The following E2F6 variants were observed in gnomAD, a reference collection of about 807,000 sequenced individuals.
E2F6 encodes transcription factor E2F6.
Under a neutral mutation model 31.5 loss-of-function variants are expected in E2F6, and 19 were observed. The observed-to-expected ratio is 0.60, with a 90% CI of 0.42 to 0.89. The LOEUF (loss-of-function observed/expected upper bound fraction) is 0.89, where lower values mean the gene tolerates loss of function less well. Among genes scored for constraint, E2F6 ranks in the 40% least tolerant of loss-of-function variants. The pLI is 0.00. For missense variants in E2F6, 269 were observed against 341.6 expected, an observed-to-expected ratio of 0.79 and a Z score of 1.67; for synonymous variants, 121 against 127.7, an observed-to-expected ratio of 0.95 and a Z score of 0.36.
At chr2:11,463,952 G>GA (rs1671952135) in intron 1 of E2F6, among the ~76,000 whole-genome samples, 1 of 135,378 alleles carries the variant, frequency 7.4e-6, no homozygotes, top group Non-Finnish European at 1.6e-5. Context: ...CTGCACCGGG[G>GA]GGGGGGACAA....
intron 1 of E2F6, among the ~76,000 whole-genome samples, chr2:11,461,555 A>G (rs1336716143): frequency 1.3e-5 from 2 of 152,104 alleles, no homozygotes; most frequent in Non-Finnish European, 2.9e-5. Flanking sequence ...GTTTCACCAC[A>G]TTAGCCAGGC....
intron 6 of E2F6, 137 bp downstream of exon 6, chr2:11,447,490 A>G: frequency 1.1e-6 from 1 of 919,434 alleles, no homozygotes; most frequent in South Asian, 1.7e-5. Flanking sequence ...ATTCTAAACT[A>G]CAGTAAGAGT....
At chr2:11,461,004 G>C (rs1671743893) in intron 1 of E2F6, among the ~76,000 whole-genome samples, 1 of 152,074 alleles carries the variant, frequency 6.6e-6, no homozygotes. Context: ...GCTGGGACTT[G>C]GGTCTAGTAA....
chr2:11,450,936 C>A (rs1448698227), intron 4 of E2F6, among the ~76,000 whole-genome samples: 1 of 152,158 alleles, frequency 6.6e-6, no homozygotes, highest in Non-Finnish European at 1.5e-5. Flanking sequence ...AGGTTTAAGA[C>A]ACCCAGGAGG....
intron 1 of E2F6, among the ~76,000 whole-genome samples, chr2:11,459,891 A>G (rs1339773783): frequency 3.3e-5 from 5 of 152,230 alleles, no homozygotes; most frequent in Non-Finnish European, 1.5e-5. Flanking sequence ...CTCAAAAAAA[A>G]AAAAGATGAT....
chr2:11,462,829 A>C (rs948683371), intron 1 of E2F6, among the ~76,000 whole-genome samples: 4 of 152,218 alleles, frequency 2.6e-5, no homozygotes, highest in Non-Finnish European at 4.4e-5. Context: ...TTTAAAACTA[A>C]TGAATTATTT....
At chr2:11,464,768 G>C (rs1220616296) in intron 1 of E2F6, among the ~76,000 whole-genome samples, 5 of 152,080 alleles carry the variant, frequency 3.3e-5, no homozygotes. Context: ...CGTGAAACAA[G>C]AATAATAATC....
intron 1 of E2F6, among the ~76,000 whole-genome samples, chr2:11,463,032 T>G (rs1671882007): frequency 6.6e-6 from 1 of 152,208 alleles, no homozygotes; most frequent in Non-Finnish European, 1.5e-5. Flanking sequence ...CAGAACTGTA[T>G]GTCTAAGATT....
chr2:11,463,351 CTTAT>C (rs1671905434), intron 1 of E2F6, among the ~76,000 whole-genome samples: 1 of 152,194 alleles, frequency 6.6e-6, no homozygotes, highest in African/African-American at 2.4e-5. Context: ...AGGATTTTCT[CTTAT>C]TTATGATTTT....
At chr2:11,449,706 C>T (rs1670940132) in intron 5 of E2F6, among the ~76,000 whole-genome samples, 4 of 152,280 alleles carry the variant, frequency 2.6e-5, no homozygotes, top group South Asian at 2.1e-4. Context: ...GGTGATTCTT[C>T]TAAGAAGCAC....
At chr2:11,450,203 G>C (rs959691143) in intron 4 of E2F6, 77 bp from the exon 5 acceptor site, 2 of 906,492 alleles carry the variant, frequency 2.2e-6, no homozygotes, top group South Asian at 3.3e-5. Flanking sequence ...TTCAGTTAAC[G>C]CAAGGGTAAT....
chr2:11,461,623 G>A (rs946826453), intron 1 of E2F6, among the ~76,000 whole-genome samples: 1 of 152,236 alleles, frequency 6.6e-6, no homozygotes, highest in African/African-American at 2.4e-5. Context: ...GAAGTGCTGG[G>A]ATTACAGGCA....
chr2:11,461,640 A>C (rs899870622), intron 1 of E2F6, among the ~76,000 whole-genome samples: 16 of 152,254 alleles, frequency 1.1e-4, no homozygotes, highest in Non-Finnish European at 2.2e-4. Context: ...GGCATGAGCC[A>C]CCATGACTGG....
intron 3 of E2F6, among the ~76,000 whole-genome samples, chr2:11,452,598 C>T (rs1282251817): frequency 2.7e-5 from 4 of 150,082 alleles, no homozygotes; most frequent in African/African-American, 4.9e-5. Context: ...AGCAAGACCC[C>T]GTCTCAAAAG....
intron 2 of E2F6, chr2:11,455,222 T>G (rs2148348208): frequency 1.2e-6 from 1 of 827,764 alleles, no homozygotes; most frequent in Admixed American, 5.1e-5. Flanking sequence ...ATGGCTTGGT[T>G]TGCAGAAAAA....
At chr2:11,453,151 T>C (rs1215805791) in intron 3 of E2F6, among the ~76,000 whole-genome samples, 3 of 152,174 alleles carry the variant, frequency 2.0e-5, no homozygotes, top group African/African-American at 7.2e-5. Context: ...CTTTAGCAAC[T>C]GTCTTTTAGA....
At chr2:11,457,476 A>C (rs1229253084) in intron 1 of E2F6, among the ~76,000 whole-genome samples, 1 of 152,182 alleles carries the variant, frequency 6.6e-6, no homozygotes, top group Non-Finnish European at 1.5e-5. Context: ...TACAAAAATT[A>C]GCCGGGCGTG....
At position 11,447,701 on chromosome 2, in the gene E2F6, T is replaced by C; in HGVS notation, c.725A>G (p.Gln242Arg). The change falls in exon 6 of 7, where the codon CAG becomes CGG. Residue 242 changes from glutamine (Q) to arginine (R), a missense_variant. By Grantham distance (43) the Gln-to-Arg change is conservative. Transcript: ENST00000381525. ...ACCTTCAGACCTTTTGTTACTGGTC[T>C]GACCCTGCTCCACTTCACACAAATA... ...DVYLCEVEQG[Q>R]TSNKRSEGVG... The C allele has an allele frequency of 6.2e-7, 1 of 1,612,184 alleles. No individual in the cohort carries two copies. The highest frequency in any genetic ancestry group is 8.5e-7 in the Non-Finnish European group (1 of 1,179,978).
At chr2:11,464,637 T>C (rs1360329980) in intron 1 of E2F6, among the ~76,000 whole-genome samples, 2 of 152,044 alleles carry the variant, frequency 1.3e-5, no homozygotes, top group African/African-American at 4.8e-5. Context: ...AATGCGGTTT[T>C]AGTAGTCAAG....
Sources: allele counts gnomAD v4.1 joint callset (sites outside exome capture counted in the v4.1 genomes callset), GRCh38; gene constraint gnomAD v4.1.1; transcripts MANE v1.5; gene names NCBI Gene and HGNC (gene_info 2026-07-23, HGNC 2026-07-21).